The following NALF1 variants were observed in gnomAD, a reference collection of about 807,000 sequenced individuals.
NALF1 encodes NALCN channel auxiliary factor 1.
Under a neutral mutation model 48.4 loss-of-function variants are expected in NALF1, and 3 were observed. That is an observed-to-expected ratio of 0.06 (90% confidence interval 0.03 to 0.16). The LOEUF (loss-of-function observed/expected upper bound fraction) is 0.16, where lower values mean the gene tolerates loss of function less well. NALF1 is among the 10% of genes least tolerant of loss of function. NALF1 has a pLI of 1.00. For missense variants in NALF1, 526 were observed against 571.5 expected, an observed-to-expected ratio of 0.92 and a Z score of 0.81; for synonymous variants, 262 against 245.7, an observed-to-expected ratio of 1.07 and a Z score of -0.62.
At chr13:107,597,245 T>C (rs1427248259) in intron 1 of NALF1, among the ~76,000 whole-genome samples, 2 of 152,188 alleles carry the variant, frequency 1.3e-5, no homozygotes, top group African/African-American at 2.4e-5. Flanking sequence ...ACCTTAATGC[T>C]TTATGGCTTC....
intron 1 of NALF1, among the ~76,000 whole-genome samples, chr13:107,636,123 ATCAGTGCAC>A (rs1252237788): frequency 3.3e-5 from 5 of 152,196 alleles, no homozygotes; most frequent in Non-Finnish European, 5.9e-5. Context: ...GCCTGCCCTC[ATCAGTGCAC>A]TTGGAATCTG....
intron 1 of NALF1, among the ~76,000 whole-genome samples, chr13:107,726,313 G>GACTT (rs1219875345): frequency 2.0e-5 from 3 of 152,058 alleles, no homozygotes; most frequent in African/African-American, 7.2e-5. Flanking sequence ...GATGAAGTGG[G>GACTT]ACTTACATTT....
chr13:107,265,595 G>A (rs1302624876), intron 1 of NALF1, among the ~76,000 whole-genome samples: 1 of 151,934 alleles, frequency 6.6e-6, no homozygotes, highest in Non-Finnish European at 1.5e-5. Context: ...TAGTAGAGAT[G>A]GGGTTTCACT....
intron 1 of NALF1, among the ~76,000 whole-genome samples, chr13:107,317,634 CTT>C (rs1158833019): frequency 1.3e-5 from 2 of 151,922 alleles, no homozygotes; most frequent in African/African-American, 4.8e-5. Flanking sequence ...TAATTCTTAA[CTT>C]ATATTAAGAG....
Position 107,607,529 on chromosome 13 carries a change from G to A in NALF1, c.915+258153C>T, listed in dbSNP as rs149538109. On this transcript the variant is annotated intron_variant, in intron 1 of 2. Transcript: ENST00000375915. The stretch of plus-strand genomic sequence containing the variant: ...AAGCCAAAATAAAGTTGTTGTTGTT[G>A]TTGTTTTTCCTTGTAAAGAGAAGTC... 1.6e-3 allele frequency among the ~76,000 whole-genome samples: 240 copies of A among 152,250 alleles called. 1 individual carries two copies. The highest frequency in any genetic ancestry group is 5.5e-3 in the African/African-American group (228 of 41,558).
At chr13:107,756,144 A>C (rs1004289380) in intron 1 of NALF1, among the ~76,000 whole-genome samples, 15 of 152,160 alleles carry the variant, frequency 9.9e-5, no homozygotes, top group African/African-American at 3.1e-4. Flanking sequence ...TAGAAGAGAG[A>C]AACTTTTAAG....
intron 1 of NALF1, among the ~76,000 whole-genome samples, chr13:107,630,270 CT>C (rs1310466303): frequency 6.6e-6 from 1 of 152,188 alleles, no homozygotes; most frequent in Non-Finnish European, 1.5e-5. Flanking sequence ...CTGTCCAACT[CT>C]TTGAATCCAC....
chr13:107,451,734 C>T (rs1453098433), intron 1 of NALF1, among the ~76,000 whole-genome samples: 1 of 152,190 alleles, frequency 6.6e-6, no homozygotes, highest in East Asian at 1.9e-4. Context: ...CTTCTTAATA[C>T]ATTGCACATC....
chr13:107,254,363 G>A (rs147611136), intron 1 of NALF1, among the ~76,000 whole-genome samples: 168 of 152,316 alleles, frequency 1.1e-3, no homozygotes, highest in Non-Finnish European at 2.1e-3. Flanking sequence ...TGTGAGAAAT[G>A]AGACTTAAAT....
Position 107,777,410 on chromosome 13 carries a change from A to T in NALF1, c.915+88272T>A, listed in dbSNP as rs578177103. On this transcript the variant is annotated intron_variant, in intron 1 of 2. Coordinates refer to ENST00000375915, the MANE Select transcript of NALF1 (RefSeq NM_001080396.3). ...TGTCCCCACCCAAATCTCACGTTGA[A>T]TTGCAATCTGCAATGCTGGAGGGCC... is the stretch of plus-strand genomic sequence containing the variant. 3.3e-5 allele frequency among the ~76,000 whole-genome samples: 5 copies of T among 152,268 alleles called. No individual in the cohort carries two copies. In the South Asian group the frequency reaches 1.0e-3, roughly 32 times the overall value.
At chr13:107,570,478 G>A (rs918838144) in intron 1 of NALF1, among the ~76,000 whole-genome samples, 10 of 151,604 alleles carry the variant, frequency 6.6e-5, no homozygotes, top group Non-Finnish European at 7.4e-5. Context: ...TTTTTGATAC[G>A]ATGGATTAGA....
At chr13:107,814,950 T>G (rs1269438894) in intron 1 of NALF1, among the ~76,000 whole-genome samples, 2 of 152,010 alleles carry the variant, frequency 1.3e-5, no homozygotes, top group Admixed American at 6.6e-5. Flanking sequence ...CCAATAAATA[T>G]AAAATGTTGG....
intron 1 of NALF1, among the ~76,000 whole-genome samples, chr13:107,559,469 C>A (rs1021383491): frequency 2.6e-5 from 4 of 152,048 alleles, no homozygotes; most frequent in African/African-American, 9.7e-5. Context: ...AAGTAAAAAA[C>A]CAATAATATC....
chr13:107,293,282 C>A (rs753689549), intron 1 of NALF1, among the ~76,000 whole-genome samples: 1 of 152,082 alleles, frequency 6.6e-6, no homozygotes. Flanking sequence ...GCTCAGCCAA[C>A]TCTGTTATAG....
chr13:107,459,959 C>T (rs914524371), intron 1 of NALF1, among the ~76,000 whole-genome samples: 1 of 152,130 alleles, frequency 6.6e-6, no homozygotes, highest in Admixed American at 6.6e-5. Flanking sequence ...CCAAACTGGT[C>T]ACAAACTCCT....
rs1189749966 is a variant in NALF1, at chr13:107,362,486, C to A, written c.916-151731G>T. 5.3e-5 allele frequency among the ~76,000 whole-genome samples: 8 copies of A among 152,076 alleles called. No homozygotes were observed. The highest frequency in any genetic ancestry group is 4.6e-4 in the Admixed American group (7 of 15,268). ...TCTCTTGATTTGCAGCTGCATGACT[C>A]CAATTTATACCACTGTTGTCACTTG... On this transcript the variant is annotated intron_variant, in intron 1 of 2. Transcript: ENST00000375915. This position sits in a 1 kb window ranked among gnomAD's most constrained non-coding sequence, Gnocchi z 4.6.
chr13:107,235,894 C>T (rs899357714), intron 1 of NALF1, among the ~76,000 whole-genome samples: 2 of 152,118 alleles, frequency 1.3e-5, no homozygotes, highest in African/African-American at 4.8e-5. Flanking sequence ...AGATGAAAGG[C>T]ATTGTGTTTC....
chr13:107,825,236 C>A (rs1879478143), intron 1 of NALF1, among the ~76,000 whole-genome samples: 2 of 152,124 alleles, frequency 1.3e-5, no homozygotes, highest in South Asian at 4.1e-4. Context: ...ATTCCCTCAG[C>A]TGCAAAGTGA....
chr13:107,279,559 C>A (rs377696949), intron 1 of NALF1, among the ~76,000 whole-genome samples: 79 of 151,888 alleles, frequency 5.2e-4, no homozygotes, highest in African/African-American at 1.8e-3. Context: ...CCCGGTGATG[C>A]CTCAACCATT....
Sources: allele counts gnomAD v4.1 joint callset (sites outside exome capture counted in the v4.1 genomes callset), GRCh38; gene constraint gnomAD v4.1.1; non-coding constraint Gnocchi (gnomAD v3.1); transcripts MANE v1.5; gene names NCBI Gene and HGNC (gene_info 2026-07-23, HGNC 2026-07-21).